Variants in DHX9 observed in about 807,000 individuals in gnomAD.
The protein encoded by DHX9 is ATP-dependent RNA helicase A.
Under a neutral mutation model 148.7 loss-of-function variants are expected in DHX9, and 27 were observed. The ratio of observed to expected loss-of-function variants is 0.18; its 90% CI spans 0.13 to 0.25. The LOEUF (loss-of-function observed/expected upper bound fraction) is 0.25. Among genes scored for constraint, DHX9 ranks in the 10% least tolerant of loss-of-function variants. The pLI is 1.00. For missense variants in DHX9, 796 were observed against 1,559.6 expected (o/e 0.51, Z 8.25); for synonymous variants, 529 against 516.6 (o/e 1.02, Z -0.33).
intron 1 of DHX9, among the ~76,000 whole-genome samples, chr1:182,841,059 A>G (rs1667918129): frequency 6.6e-6 from 1 of 152,136 alleles, no homozygotes; most frequent in African/African-American, 2.4e-5. Context: ...CGGGAGGTTG[A>G]GGCGGGCCGA....
At position 182,883,582 on chromosome 1, in the gene DHX9, C is replaced by T. The variant is rs775469000; in HGVS notation, c.3207C>T (p.Leu1069=). 14 of 1,613,734 alleles carry T rather than the reference C, an allele frequency of 8.7e-6. No homozygotes were observed. In the East Asian group the frequency reaches 2.7e-4, roughly 31 times the overall value. The change falls in exon 26 of 28, where the codon CTC becomes CTT. Residue 1069 remains leucine (L), a synonymous_variant. Transcript: ENST00000367549. The part of the protein sequence containing the change: ...MTLVTPLQLL[L]FASKKVQSDG... ...TAGTCACCCCCCTGCAGTTGCTTCT[C>T]TTTGCCTCCAAGAAAGTCCAATCTG...
At chr1:182,867,730 T>A (rs752289431) in intron 14 of DHX9, among the ~76,000 whole-genome samples, 1 of 152,224 alleles carries the variant, frequency 6.6e-6, no homozygotes. Context: ...AGAGTCCTTT[T>A]AGATGTTTTC....
Position 182,843,434 on chromosome 1 carries a change from G to A in DHX9, c.252G>A (p.Gly84=), listed in dbSNP as rs780287651. ...AGAGTGAAGAAGTTCCAGCTTTTGG[G>A]GTAAGTACCTATGGCGAAGCACTTG... ...EIKSEEVPAF[G]VASPPPLTDT... The change falls in exon 3 of 28, where the codon GGG becomes GGA. Residue 84 remains glycine (G), a splice_region_variant and synonymous_variant. Transcript: ENST00000367549. 1.9e-6 allele frequency: 3 copies of A among 1,595,100 alleles called. No homozygotes were observed. In the Admixed American group the frequency reaches 5.4e-5, roughly 29 times the overall value.
At position 182,870,982 on chromosome 1, in the gene DHX9, G is replaced by A. The variant is rs113670176; in HGVS notation, c.1558-1355G>A. Among the ~76,000 whole-genome samples, 290 of 152,146 alleles carry A rather than the reference G, an allele frequency of 1.9e-3. 1 individual carries two copies. The highest frequency in any genetic ancestry group is 3.0e-3 in the Non-Finnish European group (207 of 67,938). On this transcript the variant is annotated intron_variant, in intron 14 of 27. Coordinates refer to ENST00000367549, the MANE Select transcript of DHX9 (RefSeq NM_001357.5). Reference sequence around the variant, plus strand: ...CATCTCAATTCAGATTAATGCTACTGTATTGGGCAGCATAGTCTTAGACCT... The same window carrying A: ...CATCTCAATTCAGATTAATGCTACTATATTGGGCAGCATAGTCTTAGACCT...
At position 182,854,252 on chromosome 1, in the gene DHX9, ATTT is replaced by A. The variant is rs1668213221; in HGVS notation, c.626+77_626+79del. ...GGATATTCACTGTTGAATATAATCT[ATTT>A]TTGTACGTTGTCTGGTTAATTGTGT... On this transcript the variant is annotated intron_variant, in intron 6 of 27. Transcript: ENST00000367549. 44 of 1,358,530 alleles carry A rather than the reference ATTT, an allele frequency of 3.2e-5. No individual in the cohort carries two copies. The East Asian group carries it at 1.0e-3, about 32-fold the overall frequency. The allele number at this position is 1,358,530 out of a possible 1,614,324, so 84.2% of individuals were successfully genotyped here. A position where few individuals can be genotyped will look rare whatever the true frequency, so the allele number is the denominator to read the frequency against.
Position 182,842,689 on chromosome 1 carries a change from TA to T in DHX9, c.111+13del. 6.3e-7 allele frequency: 1 copy of T among 1,593,240 alleles called. No individual in the cohort carries two copies. Reference sequence around the variant, plus strand: ...AATTCATGTGTGAGGTACTGAAGAATACAGTTTGCATTTATGTGATTTATGA... The same window carrying T: ...AATTCATGTGTGAGGTACTGAAGAATCAGTTTGCATTTATGTGATTTATGA... On this transcript the variant is annotated intron_variant, in intron 2 of 27. Transcript: ENST00000367549.
rs780391198 is a variant in DHX9, at chr1:182,883,254, G to A, written c.3030G>A (p.Arg1010=). The A allele has an allele frequency of 4.2e-5, 68 of 1,614,020 alleles. No homozygotes were observed. The highest frequency in any genetic ancestry group is 5.5e-5 in the Non-Finnish European group (65 of 1,180,018). Reference sequence around the variant, plus strand: ...ATGTATGCTATCATAAGGAAAAGAGGAAGATTCTCACCACTGAAGGGCGTA... The same window carrying A: ...ATGTATGCTATCATAAGGAAAAGAGAAAGATTCTCACCACTGAAGGGCGTA... ...YPNVCYHKEK[R]KILTTEGRNA... The change falls in exon 25 of 28, where the codon AGG becomes AGA. Residue 1010 remains arginine, a synonymous_variant. Coordinates refer to ENST00000367549, the MANE Select transcript of DHX9 (RefSeq NM_001357.5).
chr1:182,884,974 T>TA (rs745580978), intron 27 of DHX9, among the ~76,000 whole-genome samples, 161 bp downstream of exon 27: 15 of 152,228 alleles, frequency 9.9e-5, no homozygotes, highest in Admixed American at 3.9e-4. Flanking sequence ...AGTTCTAACA[T>TA]ACTCAGAACA....
chr1:182,844,043 G>A (rs1571294607), intron 3 of DHX9, among the ~76,000 whole-genome samples: 1 of 152,152 alleles, frequency 6.6e-6, no homozygotes, highest in East Asian at 1.9e-4. Context: ...CCGCCTCCTG[G>A]GTTCAAGCGA....
At chr1:182,847,004 A>G (rs1050432993) in intron 3 of DHX9, among the ~76,000 whole-genome samples, 1 of 151,630 alleles carries the variant, frequency 6.6e-6, no homozygotes, top group Non-Finnish European at 1.5e-5. Context: ...TGCTAAGCCC[A>G]CCCAGTGTAT....
intron 12 of DHX9, chr1:182,860,438 C>A: frequency 4.1e-6 from 1 of 246,706 alleles, no homozygotes; most frequent in Non-Finnish European, 7.7e-6. Flanking sequence ...ATCAGACTGT[C>A]GAGATTAAGA....
At chr1:182,858,406 G>A in intron 8 of DHX9, 145 bp from the exon 9 acceptor site, 1 of 1,041,838 alleles carries the variant, frequency 9.6e-7, no homozygotes, top group South Asian at 1.6e-5. Flanking sequence ...TAGGCAGTGA[G>A]TAAATAATCA....
rs367632457 is a variant in DHX9 at position 182,881,399 on chromosome 1, A to G, written c.2760A>G (p.Ser920=). 2.1e-5 allele frequency: 34 copies of G among 1,614,022 alleles called. No homozygotes were observed. The highest frequency in any genetic ancestry group is 2.5e-5 in the Non-Finnish European group (30 of 1,179,998). Reference sequence around the variant, plus strand: ...TTTCTGATCACGTAGCCCTTTTATCAGTATTCCAAGCCTGGGATGATGCTA... The same window carrying G: ...TTTCTGATCACGTAGCCCTTTTATCGGTATTCCAAGCCTGGGATGATGCTA... ...NRFSDHVALL[S]VFQAWDDARM... is the part of the protein sequence containing the mutation. The change falls in exon 23 of 28, where the codon TCA becomes TCG. Residue 920 remains serine (S), a synonymous_variant. Transcript: ENST00000367549.
At chr1:182,869,386 C>T (rs1434361660) in intron 14 of DHX9, among the ~76,000 whole-genome samples, 1 of 152,066 alleles carries the variant, frequency 6.6e-6, no homozygotes, top group African/African-American at 2.4e-5. Flanking sequence ...TAGGTCTTGT[C>T]CTATCTGGTT....
chr1:182,860,897 T>C (rs1159185458), intron 12 of DHX9, among the ~76,000 whole-genome samples: 3 of 152,222 alleles, frequency 2.0e-5, no homozygotes, highest in Non-Finnish European at 4.4e-5. Flanking sequence ...TGGCACTTTG[T>C]GGGAGAGCAT....
At chr1:182,863,499 T>A (rs977816465) in intron 12 of DHX9, among the ~76,000 whole-genome samples, 5 of 152,252 alleles carry the variant, frequency 3.3e-5, no homozygotes, top group African/African-American at 1.2e-4. Flanking sequence ...TATATATTCC[T>A]TATAATAGAA....
intron 12 of DHX9, among the ~76,000 whole-genome samples, chr1:182,865,115 A>AAAGG (rs1178913087): frequency 6.6e-6 from 1 of 152,238 alleles, no homozygotes; most frequent in African/African-American, 2.4e-5. Context: ...CAGTAGTAGA[A>AAAGG]AAGGGGGACG....
intron 19 of DHX9, 124 bp downstream of exon 19, chr1:182,877,027 T>C (rs1210169269): frequency 1.6e-6 from 1 of 627,890 alleles, no homozygotes; most frequent in African/African-American, 1.9e-5. Flanking sequence ...AAAATTATTG[T>C]GCATCTATAT....
At chr1:182,848,774 G>T (rs1056349634) in intron 3 of DHX9, among the ~76,000 whole-genome samples, 1 of 152,192 alleles carries the variant, frequency 6.6e-6, no homozygotes, top group Admixed American at 6.5e-5. Flanking sequence ...ACTGGAATCT[G>T]CTTGACTTCT....
Sources: allele counts gnomAD v4.1 joint callset (sites outside exome capture counted in the v4.1 genomes callset), GRCh38; gene constraint gnomAD v4.1.1; transcripts MANE v1.5; gene names NCBI Gene and HGNC (gene_info 2026-07-23, HGNC 2026-07-21).